CAVIN1: variants seen among roughly 807,000 people sequenced by gnomAD.
The protein encoded by CAVIN1 is caveolae-associated protein 1.
A neutral mutation model predicts 24.0 loss-of-function variants in CAVIN1; 16 were observed. The observed-to-expected ratio is 0.67, with a 90% CI of 0.45 to 1.01. The LOEUF (loss-of-function observed/expected upper bound fraction) is 1.01, where lower values mean the gene tolerates loss of function less well. CAVIN1 is among the 50% of genes least tolerant of loss of function. The pLI, the probability that CAVIN1 is intolerant of heterozygous loss-of-function variation, is 0.00. For synonymous variants in CAVIN1, 256 were observed against 256.4 expected, an observed-to-expected ratio of 1.00 and a Z score of 0.02; for missense variants, 510 against 551.7, an observed-to-expected ratio of 0.92 and a Z score of 0.76.
rs2145490951 is a variant in CAVIN1 at position 42,422,994 on chromosome 17, G to T, written c.104C>A (p.Pro35Gln). The change falls in exon 1 of 2, where the codon CCG becomes CAG. Residue 35 changes from proline (P) to glutamine (Q), a missense_variant. By Grantham distance (76) the Pro-to-Gln change is moderately conservative. Transcript: ENST00000357037. ...CAGCTCTTCTGAGCCGGCCCCCGAC[G>T]GCTCCTCCGCTGCCTGAGCCCCAGC... is the stretch of plus-strand genomic sequence containing the variant. ...SSAGAQAAEE[P>Q]SGAGSEELIK... The T allele has an allele frequency of 6.2e-7, 1 of 1,613,398 alleles. No individual in the cohort carries two copies. The highest frequency in any genetic ancestry group is 1.1e-5 in the South Asian group (1 of 91,036).
At chr17:42,412,324 G>A (rs2085484059) in intron 1 of CAVIN1, 1 of 981,414 alleles carries the variant, frequency 1.0e-6, no homozygotes, top group South Asian at 4.7e-5. Flanking sequence ...GGGCCTTGGT[G>A]GCATGCAGAG....
chr17:42,408,630 T>C (rs550830522), intron 1 of CAVIN1, among the ~76,000 whole-genome samples: 1 of 152,166 alleles, frequency 6.6e-6, no homozygotes, highest in East Asian at 1.9e-4. Context: ...TAGCTGAGAT[T>C]ACAGGCATGT....
Position 42,405,089 on chromosome 17 carries a change from GA to G in CAVIN1, c.770del (p.Leu257ProfsTer18). 6.2e-7 allele frequency: 1 copy of G among 1,614,032 alleles called. No individual in the cohort carries two copies. Among genetic ancestry groups the G allele is most frequent in the Non-Finnish European group, 8.5e-7 (1 of 1,179,992 alleles). ...RTRENLEKTR[L>X]KTKENLEKTR... ...TCTTCTCCAGGTTTTCCTTGGTCTT[GA>G]GGCGCGTCTTCTCCAGGTTCTCGCG... On this transcript the variant is annotated frameshift_variant, in exon 2 of 2. Transcript: ENST00000357037. LOFTEE classifies it high-confidence loss of function.
chr17:42,415,262 G>A (rs957484114), intron 1 of CAVIN1, among the ~76,000 whole-genome samples: 3 of 152,306 alleles, frequency 2.0e-5, no homozygotes, highest in South Asian at 2.1e-4. Flanking sequence ...AGCAGTGAGT[G>A]TAGCGGAAGG....
rs572567494 is a variant in CAVIN1, at chr17:42,417,792, G to C, written c.471+4835C>G. Among the ~76,000 whole-genome samples the C allele has an allele frequency of 2.6e-5, 4 of 152,132 alleles. No individual in the cohort carries two copies. In the East Asian group the frequency reaches 7.7e-4, roughly 29 times the overall value. ...CCCTGCCTCAGCCTCCCAAGTAGCT[G>C]GGATTACAGGCACCCACCACCACAC... On this transcript the variant is annotated intron_variant, in intron 1 of 1. Coordinates refer to ENST00000357037, the MANE Select transcript of CAVIN1 (RefSeq NM_012232.6).
Position 42,404,831 on chromosome 17 carries a change from C to G in CAVIN1, c.1029G>C (p.Glu343Asp). 1 of 1,613,562 alleles carries G rather than the reference C, an allele frequency of 6.2e-7. No homozygotes were observed. The highest frequency in any genetic ancestry group is 8.5e-7 in the Non-Finnish European group (1 of 1,179,710). The change falls in exon 2 of 2, where the codon GAG becomes GAC. Residue 343 changes from glutamate (E) to aspartate (D), a missense_variant. Transcript: ENST00000357037. The part of the protein sequence containing the change: ...VEVLKATEMV[E>D]VGADDDEGGA... ...CGCCCTCGTCGTCGTCGGCGCCCAC[C>G]TCCACCATCTCGGTGGCCTTGAGCA... is the stretch of plus-strand genomic sequence containing the variant.
intron 1 of CAVIN1, 152 bp downstream of exon 1, chr17:42,422,475 C>G (rs2085556701): frequency 1.8e-6 from 1 of 560,458 alleles, no homozygotes; most frequent in Admixed American, 3.1e-5. Context: ...CCACCCCAGC[C>G]GCGCTCACCG....
chr17:42,417,445 C>CGAG (rs1299573297), intron 1 of CAVIN1, among the ~76,000 whole-genome samples: 1 of 110,696 alleles, frequency 9.0e-6, no homozygotes, highest in African/African-American at 3.5e-5. Flanking sequence ...AGCAACAGAG[C>CGAG]GAGAACTTGT....
intron 1 of CAVIN1, chr17:42,412,073 C>T: frequency 1.0e-6 from 1 of 985,370 alleles, no homozygotes; most frequent in Non-Finnish European, 1.2e-6. Flanking sequence ...GTCAGCTCCT[C>T]TGGGGTGGGC....
chr17:42,406,071 C>T (rs1420631092), intron 1 of CAVIN1, among the ~76,000 whole-genome samples: 1 of 152,142 alleles, frequency 6.6e-6, no homozygotes, highest in Non-Finnish European at 1.5e-5. Flanking sequence ...AACTTCGGGT[C>T]GGAGATGGGG....
chr17:42,416,114 T>C (rs527700410), intron 1 of CAVIN1, among the ~76,000 whole-genome samples: 5 of 152,284 alleles, frequency 3.3e-5, no homozygotes, highest in Middle Eastern at 3.4e-3. Context: ...CCACCTGTAA[T>C]TCCAGCACTT....
In CAVIN1 at chr17:42,402,914, G is replaced by C. The variant is rs2145469123; in HGVS notation, c.*1773C>G. Reference sequence around the variant, plus strand: ...AAGGGGACTCGTGTCTTGAGAACCTGGTCGTGTCTTGAGAACCCAGTCCAA... The same window carrying C: ...AAGGGGACTCGTGTCTTGAGAACCTCGTCGTGTCTTGAGAACCCAGTCCAA... On this transcript the variant is annotated 3_prime_UTR_variant, in exon 2 of 2. Transcript: ENST00000357037. 1 of 152,262 alleles carries C rather than the reference G, an allele frequency of 6.6e-6. No homozygotes were observed. Among genetic ancestry groups the C allele is most frequent in the African/African-American group, 2.4e-5 (1 of 41,518 alleles). 9.4% of individuals were successfully genotyped at this position (152,262 alleles called of 1,614,324 possible).
At chr17:42,411,824 A>G in intron 1 of CAVIN1, 11 of 985,378 alleles carry the variant, frequency 1.1e-5, no homozygotes, top group Non-Finnish European at 1.3e-5. Context: ...ACAGAAACCA[A>G]GAAGTGGGGA....
At position 42,402,913 on chromosome 17, in the gene CAVIN1, T is replaced by TGGTCGTGTCTTGAGAACCC. The variant is rs2085420728; in HGVS notation, c.*1755_*1773dup. On this transcript the variant is annotated 3_prime_UTR_variant, in exon 2 of 2. Coordinates refer to ENST00000357037, the MANE Select transcript of CAVIN1 (RefSeq NM_012232.6). The stretch of plus-strand genomic sequence containing the variant: ...CAAGGGGACTCGTGTCTTGAGAACC[T>TGGTCGTGTCTTGAGAACCC]GGTCGTGTCTTGAGAACCCAGTCCA... 6.6e-6 allele frequency: 1 copy of TGGTCGTGTCTTGAGAACCC among 152,160 alleles called. No individual in the cohort carries two copies. The highest frequency in any genetic ancestry group is 2.4e-5 in the African/African-American group (1 of 41,420). The allele number at this position is 152,160 out of a possible 1,614,324, so 9.4% of individuals were successfully genotyped here.
Position 42,422,907 on chromosome 17 carries a change from G to T in CAVIN1, c.191C>A (p.Ala64Asp). The T allele has an allele frequency of 6.2e-7, 1 of 1,614,062 alleles. No individual in the cohort carries two copies. Among genetic ancestry groups the T allele is most frequent in the Non-Finnish European group, 8.5e-7 (1 of 1,180,008 alleles). The change falls in exon 1 of 2, where the codon GCC becomes GAC. Residue 64 changes from alanine to aspartate, a missense_variant. Coordinates refer to ENST00000357037, the MANE Select transcript of CAVIN1 (RefSeq NM_012232.6). ...TTGAGTCAGCTGGATCTGGTCTACGGCCCCGATGATTTTGTCCAGGAGGCT... is the reference window on the plus strand; with the variant it reads ...TTGAGTCAGCTGGATCTGGTCTACGTCCCCGATGATTTTGTCCAGGAGGCT... ...VLSLLDKIIG[A>D]VDQIQLTQAQ...
At position 42,404,410 on chromosome 17, in the gene CAVIN1, A is replaced by G; in HGVS notation, c.*277T>C. 3.2e-6 allele frequency: 1 copy of G among 317,366 alleles called. No homozygotes were observed. Among genetic ancestry groups the G allele is most frequent in the South Asian group, 8.5e-5 (1 of 11,744 alleles). 19.7% of individuals were successfully genotyped at this position (317,366 alleles called of 1,614,324 possible). A position where few individuals can be genotyped will look rare whatever the true frequency, so the allele number is the denominator to read the frequency against. ...GGGGGCCTAACCGTGGAATCACTGC[A>G]ATTTCCTCTGAGATCCCGACTTGGA... On this transcript the variant is annotated 3_prime_UTR_variant, in exon 2 of 2. Coordinates refer to ENST00000357037, the MANE Select transcript of CAVIN1 (RefSeq NM_012232.6).
chr17:42,405,056 G>A lies in CAVIN1; in HGVS notation c.804C>T (p.His268=). The A allele has an allele frequency of 6.2e-7, 1 of 1,614,166 alleles. No individual in the cohort carries two copies. The highest frequency in any genetic ancestry group is 8.5e-7 in the Non-Finnish European group (1 of 1,180,006). The change falls in exon 2 of 2, where the codon CAC becomes CAT. Residue 268 remains histidine (H), a synonymous_variant. Coordinates refer to ENST00000357037, the MANE Select transcript of CAVIN1 (RefSeq NM_012232.6). ...GCTTGTTCATGCGCTTCTCCAGGGT[G>A]TGCCGCGTCTTCTCCAGGTTTTCCT... is the stretch of plus-strand genomic sequence containing the variant. The part of the protein sequence containing the change: ...KTKENLEKTR[H]TLEKRMNKLG...
At position 42,405,262 on chromosome 17, in the gene CAVIN1, C is replaced by T; in HGVS notation, c.598G>A (p.Glu200Lys). The change falls in exon 2 of 2, where the codon GAG becomes AAG. Residue 200 changes from glutamate to lysine, a missense_variant. Physicochemically the swap from Glu to Lys is moderately conservative, Grantham distance 56. Coordinates refer to ENST00000357037, the MANE Select transcript of CAVIN1 (RefSeq NM_012232.6). ...ERPEEDAAAL[E>K]LSSDEAVEVE... Reference sequence around the variant, plus strand: ...TCCACCGCCTCGTCCGACGAAAGCTCCAGCGCCGCTGCGTCCTCCTCGGGC... The same window carrying T: ...TCCACCGCCTCGTCCGACGAAAGCTTCAGCGCCGCTGCGTCCTCCTCGGGC... 6.2e-7 allele frequency: 1 copy of T among 1,613,580 alleles called. No homozygotes were observed. The highest frequency in any genetic ancestry group is 8.5e-7 in the Non-Finnish European group (1 of 1,179,970).
Position 42,404,752 on chromosome 17 carries a change from G to C in CAVIN1, c.1108C>G (p.His370Asp). The change falls in exon 2 of 2, where the codon CAC (histidine) becomes GAC (aspartate). Residue 370 changes from histidine (H) to aspartate (D), a missense_variant. Physicochemically the swap from His to Asp is moderately conservative, Grantham distance 81. Coordinates refer to ENST00000357037, the MANE Select transcript of CAVIN1 (RefSeq NM_012232.6). ...DLRRGSSPDV[H>D]ALLEITEESD... ...TCCTCGGTGATCTCCAGCAGCGCGT[G>C]CACGTCGGGGCTGCTCCCGCGCCGC... is the stretch of plus-strand genomic sequence containing the variant. 1 of 1,528,844 alleles carries C rather than the reference G, an allele frequency of 6.5e-7. No homozygotes were observed. Among genetic ancestry groups the C allele is most frequent in the African/African-American group, 1.4e-5 (1 of 71,198 alleles). The allele number at this position is 1,528,844 out of a possible 1,614,324, so 94.7% of individuals were successfully genotyped here.
Sources: allele counts gnomAD v4.1 joint callset (sites outside exome capture counted in the v4.1 genomes callset), GRCh38; gene constraint gnomAD v4.1.1; transcripts MANE v1.5; gene names NCBI Gene and HGNC (gene_info 2026-07-23, HGNC 2026-07-21).